Variants in TEX14 observed in about 807,000 individuals in gnomAD.
TEX14 encodes the protein testis expressed 14, intercellular bridge forming factor, also known as inactive serine/threonine-protein kinase TEX14.
Under a neutral mutation model 178.6 loss-of-function variants are expected in TEX14, and 168 were observed. The observed-to-expected ratio is 0.94, with a 90% CI of 0.83 to 1.07. The LOEUF is 1.07. TEX14 is among the 50% of genes least tolerant of loss of function. The pLI is 0.00. For synonymous variants in TEX14, 626 were observed against 634.1 expected, an observed-to-expected ratio of 0.99 and a Z score of 0.19; for missense variants, 1,730 against 1,753.6, an observed-to-expected ratio of 0.99 and a Z score of 0.24.
chr17:58,605,215 A>G lies in TEX14; in HGVS notation c.1185-86T>C, dbSNP rs1022307448. The G allele has an allele frequency of 2.2e-5, 32 of 1,474,654 alleles. No homozygotes were observed. In the Admixed American group the frequency reaches 6.0e-4, roughly 27 times the overall value. The allele number at this position is 1,474,654 out of a possible 1,614,324, so 91.3% of individuals were successfully genotyped here. A position where few individuals can be genotyped will look rare whatever the true frequency, so the allele number is the denominator to read the frequency against. On this transcript the variant is annotated intron_variant, in intron 10 of 31. Coordinates refer to ENST00000349033, the MANE Select transcript of TEX14 (RefSeq NM_031272.5). ...CATTCATTCATTCTTTCATTCATTCAGAGTCTTGCCCTGTCACCCAGGCTG... is the reference window on the plus strand; with the variant it reads ...CATTCATTCATTCTTTCATTCATTCGGAGTCTTGCCCTGTCACCCAGGCTG...
intron 28 of TEX14, among the ~76,000 whole-genome samples, chr17:58,563,703 C>T (rs2005803): frequency 1.2e-4 from 2 of 16,314 alleles, no homozygotes; most frequent in Non-Finnish European, 2.2e-4. Flanking sequence ...AGAGAGAGAG[C>T]GCAAGATCAT....
At chr17:58,572,352 C>T (rs966492277) in intron 23 of TEX14, among the ~76,000 whole-genome samples, 5 of 152,138 alleles carry the variant, frequency 3.3e-5, no homozygotes, top group African/African-American at 1.2e-4. Flanking sequence ...GAAATAAGGC[C>T]GGGTACGGTG....
chr17:58,606,561 G>T (rs1320074015), intron 10 of TEX14, among the ~76,000 whole-genome samples: 1 of 152,114 alleles, frequency 6.6e-6, no homozygotes, highest in African/African-American at 2.4e-5. Context: ...AGCTAGTATT[G>T]ACTTTAGTTA....
intron 10 of TEX14, among the ~76,000 whole-genome samples, chr17:58,609,553 A>G (rs2045697316): frequency 1.3e-5 from 2 of 152,042 alleles, no homozygotes. Flanking sequence ...TAGAGGAAGG[A>G]TCTTAACCTA....
chr17:58,625,127 G>T (rs1255087832), intron 3 of TEX14, among the ~76,000 whole-genome samples: 1 of 145,376 alleles, frequency 6.9e-6, no homozygotes, highest in Non-Finnish European at 1.5e-5. Flanking sequence ...TTTGTTTTTT[G>T]GGTTTTTTTT....
chr17:58,645,072 G>A lies in TEX14; in HGVS notation c.136+6794C>T, dbSNP rs184036545. 2.3e-4 allele frequency among the ~76,000 whole-genome samples: 34 copies of A among 147,876 alleles called. No individual in the cohort carries two copies. The Middle Eastern group carries it at 0.011, about 47-fold the overall frequency. On this transcript the variant is annotated intron_variant, in intron 2 of 31. Transcript: ENST00000349033. ...GTGATCTCAGCTCACTGCAACCTCC[G>A]CCTCCCAGGTTCAAGTGATTCTCTT...
chr17:58,617,396 C>T, intron 6 of TEX14, 142 bp downstream of exon 6: 1 of 607,516 alleles, frequency 1.6e-6, no homozygotes, highest in East Asian at 2.7e-5. Context: ...TAAGAGATAC[C>T]TTTCCCTCAA....
At position 58,613,535 on chromosome 17, in the gene TEX14, C is replaced by T. The variant is rs370925054; in HGVS notation, c.891G>A (p.Arg297=). The T allele has an allele frequency of 6.2e-7, 1 of 1,613,562 alleles. No individual in the cohort carries two copies. The highest frequency in any genetic ancestry group is 8.5e-7 in the Non-Finnish European group (1 of 1,179,914). The change falls in exon 9 of 32, where the codon CGG becomes CGA. Residue 297 remains arginine, a synonymous_variant. Coordinates refer to ENST00000349033, the MANE Select transcript of TEX14 (RefSeq NM_031272.5). ...IAEQEHSSKL[R]HPYLLQLMAV... Reference sequence around the variant, plus strand: ...CCATCAACTGTAGCAAGTAGGGGTGCCGCAGCTTGCTGCAAAAGAAAAGAA... The same window carrying T: ...CCATCAACTGTAGCAAGTAGGGGTGTCGCAGCTTGCTGCAAAAGAAAAGAA...
chr17:58,587,851 C>T (rs1567721020), intron 16 of TEX14, 45 bp downstream of exon 16: 3 of 1,119,802 alleles, frequency 2.7e-6, no homozygotes, highest in East Asian at 2.4e-5. Context: ...GAACCCACCC[C>T]CACCCCCGCT....
chr17:58,604,422 G>A lies in TEX14; in HGVS notation c.1336+556C>T, dbSNP rs1350956467. 3.3e-5 allele frequency among the ~76,000 whole-genome samples: 5 copies of A among 151,288 alleles called. No homozygotes were observed. In the East Asian group the frequency reaches 9.9e-4, roughly 30 times the overall value. Reference sequence around the variant, plus strand: ...GGAGGCAGAGGTTGCAGTAAACCGAGATCGAGCCACTGCACTCCAGCCTGG... The same window carrying A: ...GGAGGCAGAGGTTGCAGTAAACCGAAATCGAGCCACTGCACTCCAGCCTGG... On this transcript the variant is annotated intron_variant, in intron 11 of 31. Coordinates refer to ENST00000349033, the MANE Select transcript of TEX14 (RefSeq NM_031272.5).
At chr17:58,561,010 T>G (rs1266444824) in intron 29 of TEX14, among the ~76,000 whole-genome samples, 1 of 152,222 alleles carries the variant, frequency 6.6e-6, no homozygotes, top group African/African-American at 2.4e-5. Context: ...TAAGACATAC[T>G]TCTTGCCCTC....
rs777268289 is a variant in TEX14, at chr17:58,613,418, T to C, written c.1005+3A>G. The C allele has an allele frequency of 3.1e-6, 5 of 1,613,872 alleles. No individual in the cohort carries two copies. The highest frequency in any genetic ancestry group is 1.6e-4 in the Middle Eastern group (1 of 6,082). ...TGGAAAATCCACGGAAACAGCAGTT[T>C]ACTCGTTCATGAAGGACACTGAACA... is the stretch of plus-strand genomic sequence containing the variant. On this transcript the variant is annotated splice_donor_region_variant and intron_variant, in intron 9 of 31. Transcript: ENST00000349033.
intron 23 of TEX14, among the ~76,000 whole-genome samples, chr17:58,572,542 G>A (rs2044559038): frequency 6.6e-6 from 1 of 151,680 alleles, no homozygotes; most frequent in Non-Finnish European, 1.5e-5. Context: ...TGAGGCAGGA[G>A]AATGGCATGA....
At chr17:58,608,575 C>CA (rs1314681780) in intron 10 of TEX14, among the ~76,000 whole-genome samples, 1 of 152,148 alleles carries the variant, frequency 6.6e-6, no homozygotes, top group African/African-American at 2.4e-5. Context: ...GATCTTGTCT[C>CA]AAAAAAATAA....
intron 1 of TEX14, among the ~76,000 whole-genome samples, chr17:58,684,840 G>T (rs2143586244): frequency 6.6e-6 from 1 of 151,850 alleles, no homozygotes; most frequent in South Asian, 2.1e-4. Flanking sequence ...GCTGGGCGTG[G>T]TGTCTCACAC....
chr17:58,647,594 A>G (rs1188260598), intron 2 of TEX14, among the ~76,000 whole-genome samples: 1 of 150,860 alleles, frequency 6.6e-6, no homozygotes, highest in Non-Finnish European at 1.5e-5. Context: ...GAGCCAACCA[A>G]GAGTGTGCTT....
chr17:58,623,082 G>T lies in TEX14; in HGVS notation c.252-70C>A, dbSNP rs1003961103. On this transcript the variant is annotated intron_variant, in intron 3 of 31. Coordinates refer to ENST00000349033, the MANE Select transcript of TEX14 (RefSeq NM_031272.5). ...TGCATTCCATGGAGCGGGGCTCAGC[G>T]TGCAACACAGGGCTCCCATTCTACA... 7 of 1,421,522 alleles carry T rather than the reference G, an allele frequency of 4.9e-6. No homozygotes were observed. In the Middle Eastern group the frequency reaches 8.8e-4, roughly 178 times the overall value. 88.1% of individuals were successfully genotyped at this position (1,421,522 alleles called of 1,614,324 possible). A position where few individuals can be genotyped will look rare whatever the true frequency, so the allele number is the denominator to read the frequency against.
chr17:58,572,253 A>AAAACAAACAAAC (rs10684412), intron 23 of TEX14, 127 bp from the exon 24 acceptor site: 13 of 588,850 alleles, frequency 2.2e-5, no homozygotes, highest in African/African-American at 1.1e-4. Flanking sequence ...TTACATTATT[A>AAAACAAACAAAC]AAACAAACAA....
intron 1 of TEX14, among the ~76,000 whole-genome samples, chr17:58,657,024 G>T (rs372545465): frequency 6.6e-6 from 1 of 151,552 alleles, no homozygotes; most frequent in South Asian, 2.1e-4. Context: ...GCCCAGGCTG[G>T]TCTTCAACTC....
Sources: gnomAD v4.1 joint callset for allele counts (sites outside exome capture counted in the v4.1 genomes callset) on GRCh38, gnomAD v4.1.1 for gene constraint, MANE v1.5 for transcripts, NCBI Gene and HGNC (gene_info 2026-07-23, HGNC 2026-07-21) for gene names.